Variants in EEFSEC observed in about 807,000 individuals in gnomAD.
EEFSEC encodes the protein selenocysteine-specific elongation factor.
EEFSEC carries 43 observed loss-of-function variants against 42.1 expected under a neutral mutation model. The observed-to-expected ratio is 1.02, with a 90% CI of 0.80 to 1.32. EEFSEC has a LOEUF of 1.32. EEFSEC is among the 40% of genes most tolerant of loss of function. EEFSEC has a pLI of 0.00. For missense variants in EEFSEC, 745 were observed against 803.6 expected (o/e 0.93, Z 0.88); for synonymous variants, 354 against 339.1 (o/e 1.04, Z -0.48).
the EEFSEC span, among the ~76,000 whole-genome samples, chr3:128,425,363 G>A: frequency 1.3e-5 from 2 of 152,210 alleles, no homozygotes; most frequent in African/African-American, 2.4e-5. Context: ...ACTGAGCAGG[G>A]CCCCGAGGTG....
chr3:128,274,194 A>G (rs1034932500), intron 4 of EEFSEC, among the ~76,000 whole-genome samples: 1 of 152,220 alleles, frequency 6.6e-6, no homozygotes, highest in Non-Finnish European at 1.5e-5. Context: ...TTCGAGAGCA[A>G]CTGGGCTTGG....
chr3:128,394,817 G>A (rs1327025494), intron 6 of EEFSEC, among the ~76,000 whole-genome samples: 1 of 152,186 alleles, frequency 6.6e-6, no homozygotes. Context: ...GCTGGGGTGA[G>A]TCCTAGCCCC....
chr3:128,252,026 T>C lies in EEFSEC; in HGVS notation c.524+4983T>C, dbSNP rs115851474. Among the ~76,000 whole-genome samples the C allele has an allele frequency of 6.6e-3, 1,005 of 152,352 alleles. 14 individuals are homozygous for C. The highest frequency in any genetic ancestry group is 0.023 in the African/African-American group (955 of 41,578). On this transcript the variant is annotated intron_variant, in intron 2 of 6. Coordinates refer to ENST00000254730, the MANE Select transcript of EEFSEC (RefSeq NM_021937.5). ...TGTTATCACAGCATTGACACTGTTC[T>C]GTGTTCTAGGCTTTTCTGTTTATTT...
At chr3:128,180,688 G>C (rs973574477) in intron 1 of EEFSEC, among the ~76,000 whole-genome samples, 1 of 152,196 alleles carries the variant, frequency 6.6e-6, no homozygotes, top group Admixed American at 6.5e-5. Context: ...GCCCTGCATC[G>C]ATGGGACCAG....
At chr3:128,331,777 CA>C (rs1262636707) in intron 4 of EEFSEC, among the ~76,000 whole-genome samples, 2 of 152,096 alleles carry the variant, frequency 1.3e-5, no homozygotes, top group Non-Finnish European at 2.9e-5. Context: ...TATTAGACTG[CA>C]AAAATTTAAA....
intron 6 of EEFSEC, among the ~76,000 whole-genome samples, chr3:128,398,795 G>A (rs1448613198): frequency 6.6e-6 from 1 of 152,166 alleles, no homozygotes; most frequent in African/African-American, 2.4e-5. Flanking sequence ...TTTGGGGCAG[G>A]GCTGGCTGCA....
At chr3:128,269,553 T>A (rs949887709) in intron 4 of EEFSEC, among the ~76,000 whole-genome samples, 1 of 152,222 alleles carries the variant, frequency 6.6e-6, no homozygotes, top group African/African-American at 2.4e-5. Flanking sequence ...CTTGGACACA[T>A]CTGACCGCTT....
At chr3:128,158,539 C>A (rs1944418414) in intron 1 of EEFSEC, among the ~76,000 whole-genome samples, 1 of 152,206 alleles carries the variant, frequency 6.6e-6, no homozygotes, top group South Asian at 2.1e-4. Context: ...GCAACCATCA[C>A]CATTGAGGCA....
intron 1 of EEFSEC, among the ~76,000 whole-genome samples, chr3:128,221,597 G>C (rs7372902): frequency 0.71 from 107,792 of 152,070 alleles, 38,434 homozygotes; most frequent in East Asian, 0.89. Context: ...CGTAGCCCCT[G>C]ATCTCCCTAT....
intron 4 of EEFSEC, among the ~76,000 whole-genome samples, chr3:128,309,674 C>T (rs2066869699): frequency 6.6e-6 from 1 of 152,284 alleles, no homozygotes; most frequent in Middle Eastern, 3.4e-3. Flanking sequence ...AAGGCTAATG[C>T]CTAGGGAGTG....
intron 5 of EEFSEC, among the ~76,000 whole-genome samples, chr3:128,353,037 C>G (rs1039487294): frequency 1.3e-5 from 2 of 152,348 alleles, no homozygotes; most frequent in East Asian, 3.9e-4. Context: ...AACATTGTCA[C>G]TAGCTTCTTG....
intron 4 of EEFSEC, among the ~76,000 whole-genome samples, chr3:128,313,881 C>T (rs930784085): frequency 6.6e-6 from 1 of 152,230 alleles, no homozygotes; most frequent in Non-Finnish European, 1.5e-5. Context: ...TCTTGGGTCC[C>T]TGGTCTCTCC....
intron 6 of EEFSEC, among the ~76,000 whole-genome samples, chr3:128,398,076 T>C (rs1204160786): frequency 1.3e-5 from 2 of 152,180 alleles, no homozygotes; most frequent in Non-Finnish European, 2.9e-5. Context: ...TCTGACCCCA[T>C]TGGCAGATGA....
At position 128,379,475 on chromosome 3, in the gene EEFSEC, A is replaced by G. The variant is rs1333396934; in HGVS notation, c.1600+21102A>G. On this transcript the variant is annotated intron_variant, in intron 6 of 6. Transcript: ENST00000254730. Reference sequence around the variant, plus strand: ...TAATTAAAAGAATTTTACAAGACGGACCGTTCACAAAGATGGATGGAGTAA... The same window carrying G: ...TAATTAAAAGAATTTTACAAGACGGGCCGTTCACAAAGATGGATGGAGTAA... 2.0e-5 allele frequency among the ~76,000 whole-genome samples: 3 copies of G among 152,244 alleles called. No individual in the cohort carries two copies. In the East Asian group the frequency reaches 5.8e-4, roughly 29 times the overall value.
At chr3:128,252,366 T>C (rs2066196155) in intron 2 of EEFSEC, among the ~76,000 whole-genome samples, 1 of 152,200 alleles carries the variant, frequency 6.6e-6, no homozygotes, top group Admixed American at 6.5e-5. Flanking sequence ...TTTCTTCCTT[T>C]GTAAAAGGGG....
intron 1 of EEFSEC, among the ~76,000 whole-genome samples, chr3:128,218,078 T>C (rs1193950018): frequency 1.3e-5 from 2 of 152,192 alleles, no homozygotes. Flanking sequence ...ATGTTTCTTT[T>C]CTTGGTTTTT....
Position 128,210,416 on chromosome 3 carries a change from G to A in EEFSEC, c.317-36420G>A, listed in dbSNP as rs139675175. 2.3e-4 allele frequency among the ~76,000 whole-genome samples: 35 copies of A among 152,328 alleles called. No individual in the cohort carries two copies. In the East Asian group the frequency reaches 5.2e-3, roughly 23 times the overall value. ...GTGTATGTAACTCCAGATCTCTGGT[G>A]GGTGGAAAGAGAACTGATTTTAGAG... On this transcript the variant is annotated intron_variant, in intron 1 of 6. Transcript: ENST00000254730.
intron 1 of EEFSEC, among the ~76,000 whole-genome samples, chr3:128,237,967 A>G (rs1384602233): frequency 6.6e-6 from 1 of 152,212 alleles, no homozygotes; most frequent in Non-Finnish European, 1.5e-5. Context: ...TCAGGAATGC[A>G]TGATTCTGGC....
chr3:128,176,729 A>C (rs763205050), intron 1 of EEFSEC, among the ~76,000 whole-genome samples: 9 of 152,204 alleles, frequency 5.9e-5, no homozygotes, highest in Non-Finnish European at 1.3e-4. Flanking sequence ...TTTGTTAGCT[A>C]TATGGTCTTG....
Sources: gnomAD v4.1 joint callset for allele counts (sites outside exome capture counted in the v4.1 genomes callset) on GRCh38, gnomAD v4.1.1 for gene constraint, MANE v1.5 for transcripts, NCBI Gene and HGNC (gene_info 2026-07-23, HGNC 2026-07-21) for gene names.